The following ALK variants were observed in gnomAD, a reference collection of about 807,000 sequenced individuals.
ALK encodes ALK tyrosine kinase receptor.
Under a neutral mutation model 163.1 loss-of-function variants are expected in ALK, and 74 were observed. The ratio of observed to expected loss-of-function variants is 0.45; its 90% CI spans 0.38 to 0.55. The LOEUF (loss-of-function observed/expected upper bound fraction) is 0.55, where lower values mean the gene tolerates loss of function less well. ALK is among the 20% of genes least tolerant of loss of function. The probability of loss-of-function intolerance (pLI) is 0.00; values close to 1 mark genes in which losing one functional copy is unlikely to be tolerated. For synonymous variants in ALK, 960 were observed against 843.2 expected, an observed-to-expected ratio of 1.14 and a Z score of -2.40; for missense variants, 2,063 against 2,105.3, an observed-to-expected ratio of 0.98 and a Z score of 0.39.
chr2:29,508,552 G>A (rs1672406228), intron 4 of ALK, among the ~76,000 whole-genome samples: 1 of 151,942 alleles, frequency 6.6e-6, no homozygotes, highest in African/African-American at 2.4e-5. Flanking sequence ...GTCATGGGGT[G>A]TGGGGAGCGG....
chr2:29,221,339 C>A (rs907134757), intron 22 of ALK: 9 of 451,168 alleles, frequency 2.0e-5, no homozygotes, highest in Admixed American at 1.9e-4. Flanking sequence ...TGGGAGGGAC[C>A]AAGACTTGGG....
At chr2:29,856,962 G>C (rs1424707206) in intron 1 of ALK, among the ~76,000 whole-genome samples, 2 of 152,160 alleles carry the variant, frequency 1.3e-5, no homozygotes, top group East Asian at 3.8e-4. Context: ...AGTGTCCTTA[G>C]TTGTCTGTGT....
chr2:29,235,856 C>CTTTTTTTTTT (rs569363324), intron 13 of ALK, among the ~76,000 whole-genome samples: 3 of 38,294 alleles, frequency 7.8e-5, no homozygotes, highest in African/African-American at 2.6e-4. Flanking sequence ...CCAGGCTCGA[C>CTTTTTTTTTT]TTTTTTTTTT....
chr2:29,594,109 A>C (rs1034408288), intron 3 of ALK, among the ~76,000 whole-genome samples: 1 of 152,196 alleles, frequency 6.6e-6, no homozygotes, highest in African/African-American at 2.4e-5. Flanking sequence ...CAGACCCCCC[A>C]AAACAAAGAA....
chr2:29,575,445 A>T (rs1476794910), intron 3 of ALK, among the ~76,000 whole-genome samples: 3 of 152,058 alleles, frequency 2.0e-5, no homozygotes, highest in East Asian at 1.9e-4. Flanking sequence ...AACCTCCCTC[A>T]TCCCCACCTG....
chr2:29,405,123 T>C (rs551191519), intron 4 of ALK, among the ~76,000 whole-genome samples: 3 of 152,236 alleles, frequency 2.0e-5, no homozygotes, highest in Non-Finnish European at 4.4e-5. Flanking sequence ...GACGTGACTC[T>C]GGGGACTTTT....
chr2:29,340,406 T>C (rs1199682308), intron 5 of ALK, among the ~76,000 whole-genome samples: 1 of 152,130 alleles, frequency 6.6e-6, no homozygotes, highest in East Asian at 1.9e-4. Flanking sequence ...CACCTGATCA[T>C]GGGTAGTGGC....
intron 4 of ALK, among the ~76,000 whole-genome samples, chr2:29,451,315 A>G (rs762349156): frequency 6.6e-6 from 1 of 152,176 alleles, no homozygotes; most frequent in Middle Eastern, 3.4e-3. Context: ...AATCTTTCTT[A>G]AGCACAACTT....
chr2:29,469,498 A>C (rs189377355), intron 4 of ALK, among the ~76,000 whole-genome samples: 6 of 152,322 alleles, frequency 3.9e-5, no homozygotes, highest in Non-Finnish European at 8.8e-5. Flanking sequence ...ATTCAGTCCC[A>C]GCATCTTTTC....
chr2:29,567,645 T>C (rs181710610), intron 3 of ALK, among the ~76,000 whole-genome samples: 18 of 152,256 alleles, frequency 1.2e-4, no homozygotes, highest in Admixed American at 1.0e-3. Context: ...TGGGGTATCA[T>C]TGCACAGACT....
intron 5 of ALK, among the ~76,000 whole-genome samples, chr2:29,336,998 G>A (rs1485373570): frequency 6.6e-6 from 1 of 152,138 alleles, no homozygotes; most frequent in African/African-American, 2.4e-5. Flanking sequence ...TGGAGCTGGA[G>A]TCTAGGGGAC....
In ALK at chr2:29,789,504, C is replaced by T. The variant is rs185652022; in HGVS notation, c.668-71807G>A. 8.7e-4 allele frequency among the ~76,000 whole-genome samples: 133 copies of T among 152,310 alleles called. 1 individual carries two copies. Among genetic ancestry groups the T allele is most frequent in the Non-Finnish European group, 1.3e-3 (88 of 68,026 alleles). On this transcript the variant is annotated intron_variant, in intron 1 of 28. Coordinates refer to ENST00000389048, the MANE Select transcript of ALK (RefSeq NM_004304.5). ...ATGTTGCCACAGCTTTACAATGTGC[C>T]TGTGCTGGTGAAATGAAGTGAAAAG...
intron 1 of ALK, among the ~76,000 whole-genome samples, chr2:29,861,318 C>A (rs2148406907): frequency 6.6e-6 from 1 of 152,024 alleles, no homozygotes. Flanking sequence ...ATAAATGAAA[C>A]AGATACTTGA....
At chr2:29,271,365 T>C (rs1365212413) in intron 11 of ALK, among the ~76,000 whole-genome samples, 1 of 152,264 alleles carries the variant, frequency 6.6e-6, no homozygotes, top group Non-Finnish European at 1.5e-5. Flanking sequence ...CTCATTGGAA[T>C]TGGCATCTGT....
At chr2:29,353,000 C>A (rs569706257) in intron 5 of ALK, among the ~76,000 whole-genome samples, 1 of 150,022 alleles carries the variant, frequency 6.7e-6, no homozygotes, top group African/African-American at 2.5e-5. Context: ...CCAAAACAAA[C>A]CTCCTTCTTG....
At chr2:29,200,782 T>TAA (rs376147202) in intron 26 of ALK, among the ~76,000 whole-genome samples, 2 of 129,116 alleles carry the variant, frequency 1.5e-5, no homozygotes, top group African/African-American at 5.7e-5. Flanking sequence ...CGTATATATA[T>TAA]GTATATACAT....
chr2:29,842,130 T>C (rs1045274499), intron 1 of ALK, among the ~76,000 whole-genome samples: 10 of 152,014 alleles, frequency 6.6e-5, no homozygotes, highest in Non-Finnish European at 1.5e-4. Context: ...GCTAGAAAGT[T>C]GACTTTGAAG....
At chr2:29,870,568 T>C (rs1232827795) in intron 1 of ALK, among the ~76,000 whole-genome samples, 4 of 151,634 alleles carry the variant, frequency 2.6e-5, no homozygotes, top group African/African-American at 7.3e-5. Flanking sequence ...ATTAAAGAAA[T>C]AGTTAAGCAA....
intron 1 of ALK, among the ~76,000 whole-genome samples, chr2:29,726,574 A>C (rs1363495334): frequency 6.6e-6 from 1 of 152,338 alleles, no homozygotes; most frequent in Middle Eastern, 3.4e-3. Context: ...GCTACAAACT[A>C]TCCAAGAACA....
Sources: gnomAD v4.1 joint callset for allele counts (sites outside exome capture counted in the v4.1 genomes callset) on GRCh38, gnomAD v4.1.1 for gene constraint, MANE v1.5 for transcripts, NCBI Gene and HGNC (gene_info 2026-07-23, HGNC 2026-07-21) for gene names.